ADGRV1: variants seen among roughly 807,000 people sequenced by gnomAD.
ADGRV1 encodes adhesion G protein-coupled receptor V1.
Under a neutral mutation model 596.2 loss-of-function variants are expected in ADGRV1, and 359 were observed. That is an observed-to-expected ratio of 0.60 (90% CI 0.55 to 0.66). ADGRV1 has a LOEUF of 0.66. ADGRV1 is among the 30% of genes least tolerant of loss of function. The probability of loss-of-function intolerance (pLI) is 0.00; values close to 1 mark genes in which losing one functional copy is unlikely to be tolerated. For missense variants in ADGRV1, 7,274 were observed against 7,575.6 expected, an observed-to-expected ratio of 0.96 and a Z score of 1.48; for synonymous variants, 2,681 against 2,679.2, an observed-to-expected ratio of 1.00 and a Z score of -0.02.
intron 85 of ADGRV1, among the ~76,000 whole-genome samples, chr5:91,062,982 A>G (rs1282344219): frequency 2.7e-5 from 3 of 112,296 alleles, no homozygotes; most frequent in African/African-American, 6.8e-5. Context: ...TTTTTGAGGC[A>G]GAGTTTCACT....
intron 21 of ADGRV1, among the ~76,000 whole-genome samples, chr5:90,659,856 C>G (rs1580631803): frequency 6.6e-6 from 1 of 151,940 alleles, no homozygotes; most frequent in African/African-American, 2.4e-5. Flanking sequence ...CATGGTGAAA[C>G]CCCGTCTCTA....
chr5:90,972,610 A>C lies in ADGRV1; in HGVS notation c.17973+7079A>C, dbSNP rs5956462. Among the ~76,000 whole-genome samples the C allele has an allele frequency of 3.1e-3, 475 of 152,278 alleles. 1 individual carries two copies. Among genetic ancestry groups the C allele is most frequent in the African/African-American group, 7.4e-3 (307 of 41,566 alleles). ...CCTGCTCCTGAATGACTACTGGGTA[A>C]ATAACGAAGTGAAGGCAGAAATAAA... is the stretch of plus-strand genomic sequence containing the variant. On this transcript the variant is annotated intron_variant, in intron 84 of 89. Coordinates refer to ENST00000405460, the MANE Select transcript of ADGRV1 (RefSeq NM_032119.4).
At position 90,644,809 on chromosome 5, in the gene ADGRV1, T is replaced by C. The variant is rs1428739550; in HGVS notation, c.2838T>C (p.Thr946=). The C allele has an allele frequency of 6.2e-7, 1 of 1,611,674 alleles. No homozygotes were observed. Residue 946 remains threonine, a synonymous_variant, in exon 15 of 90, where the codon ACT becomes ACC. Transcript: ENST00000405460. ...AAGATGTATTTCCTGTACAAGGGAC[T>C]GTTGTCTTTGGAGATCAGGAATTTT... ...FTQDVFPVQG[T]VVFGDQEFSK...
In ADGRV1 at chr5:90,643,858, TG is replaced by T. The variant is rs983340336; in HGVS notation, c.2612del (p.Gly871GlufsTer8). Reference protein sequence around the residue: ...LSSHGERESKLGSATIVNITI... With the variant: ...LSSHGERESKXGSATIVNITI... ...AGCCACGGAGAACGGGAAAGCAAGTTGGGAAGTGCCACCATTGTCAATATAA... is the reference window on the plus strand; with the variant it reads ...AGCCACGGAGAACGGGAAAGCAAGTTGGAAGTGCCACCATTGTCAATATAA... On this transcript the variant is annotated frameshift_variant, in exon 14 of 90. Coordinates refer to ENST00000405460, the MANE Select transcript of ADGRV1 (RefSeq NM_032119.4). LOFTEE classifies it high-confidence loss of function. 4 of 1,611,412 alleles carry T rather than the reference TG, an allele frequency of 2.5e-6. No individual in the cohort carries two copies. The Admixed American group carries it at 5.0e-5, about 20-fold the overall frequency.
intron 87 of ADGRV1, among the ~76,000 whole-genome samples, chr5:91,138,454 G>GCTAATAAAT (rs1794825486): frequency 2.6e-5 from 4 of 151,814 alleles, no homozygotes; most frequent in African/African-American, 9.7e-5. Flanking sequence ...TTAGTGTTTT[G>GCTAATAAAT]CTAATAAATC....
intron 1 of ADGRV1, among the ~76,000 whole-genome samples, chr5:90,586,846 T>C (rs1047924600): frequency 5.3e-5 from 8 of 152,242 alleles, no homozygotes; most frequent in African/African-American, 1.9e-4. Context: ...TTGATTATTT[T>C]ACTAGGAGTT....
At chr5:90,572,907 A>C (rs1273015620) in intron 1 of ADGRV1, among the ~76,000 whole-genome samples, 1 of 152,176 alleles carries the variant, frequency 6.6e-6, no homozygotes, top group Middle Eastern at 3.2e-3. Flanking sequence ...ACCTACCAGG[A>C]AGGGTGGATA....
chr5:90,685,131 G>A (rs1232315250), intron 28 of ADGRV1, among the ~76,000 whole-genome samples: 1 of 152,136 alleles, frequency 6.6e-6, no homozygotes, highest in African/African-American at 2.4e-5. Context: ...TATTTCTGTA[G>A]GTAACTGTTC....
At chr5:91,134,017 C>T (rs1794428774) in intron 87 of ADGRV1, among the ~76,000 whole-genome samples, 1 of 152,118 alleles carries the variant, frequency 6.6e-6, no homozygotes, top group Non-Finnish European at 1.5e-5. Flanking sequence ...CCAACTACTA[C>T]TATATCAAGC....
At position 90,902,580 on chromosome 5, in the gene ADGRV1, T is replaced by C. The variant is rs528755820; in HGVS notation, c.17856+38723T>C. Among the ~76,000 whole-genome samples, 453 of 152,272 alleles carry C rather than the reference T, an allele frequency of 3.0e-3. 1 individual carries two copies. The highest frequency in any genetic ancestry group is 0.01 in the African/African-American group (417 of 41,572). On this transcript the variant is annotated intron_variant, in intron 83 of 89. Transcript: ENST00000405460. ...ATATGCGCATCAATATAAGTGCCCA[T>C]CTTTGATTGTTAGCACCTAGAGGGC...
At position 90,863,866 on chromosome 5, in the gene ADGRV1, G is replaced by A; in HGVS notation, c.17856+9G>A. The A allele has an allele frequency of 6.4e-7, 1 of 1,558,876 alleles. No individual in the cohort carries two copies. ...CCAGCTTAGGTACACAGGTAGGAGA[G>A]CGCTGGCATTTTTGATTTATCGTGA... On this transcript the variant is annotated intron_variant, in intron 83 of 89. Coordinates refer to ENST00000405460, the MANE Select transcript of ADGRV1 (RefSeq NM_032119.4).
At position 90,690,942 on chromosome 5, in the gene ADGRV1, C is replaced by A. The variant is rs1428365702; in HGVS notation, c.6852C>A (p.Asp2284Glu). 3 of 1,613,840 alleles carry A rather than the reference C, an allele frequency of 1.9e-6. No individual in the cohort carries two copies. The highest frequency in any genetic ancestry group is 3.3e-5 in the Admixed American group (2 of 59,986). The change falls in exon 31 of 90, where the codon GAC becomes GAA. Residue 2284 changes from aspartate (D) to glutamate (E), a missense_variant. Physicochemically the swap from Asp to Glu is conservative, Grantham distance 45. Coordinates refer to ENST00000405460, the MANE Select transcript of ADGRV1 (RefSeq NM_032119.4). ...ATINGQLATG[D>E]LRVVSGNVTF... ...TTAATGGACAGCTTGCTACTGGCGACCTGCGAGTTGTCTCAGGTAATGTGA... is the reference window on the plus strand; with the variant it reads ...TTAATGGACAGCTTGCTACTGGCGAACTGCGAGTTGTCTCAGGTAATGTGA...
intron 21 of ADGRV1, among the ~76,000 whole-genome samples, chr5:90,667,669 TGGA>T (rs1304535723): frequency 1.3e-5 from 2 of 151,966 alleles, no homozygotes; most frequent in African/African-American, 4.8e-5. Context: ...TGCGTTCCTT[TGGA>T]GGAGGAGAGG....
chr5:90,859,518 C>T (rs868835332), intron 82 of ADGRV1, among the ~76,000 whole-genome samples: 27 of 151,278 alleles, frequency 1.8e-4, no homozygotes, highest in Admixed American at 6.6e-4. Context: ...TTGCAACTTC[C>T]GCCTTCTGGG....
chr5:90,814,807 G>A (rs922401639), intron 74 of ADGRV1, among the ~76,000 whole-genome samples: 2 of 152,012 alleles, frequency 1.3e-5, no homozygotes, highest in African/African-American at 2.4e-5. Flanking sequence ...CATGGTTTTC[G>A]AGGCCAATTG....
At chr5:91,127,576 G>A (rs1793875559) in intron 87 of ADGRV1, among the ~76,000 whole-genome samples, 1 of 151,810 alleles carries the variant, frequency 6.6e-6, no homozygotes. Flanking sequence ...AGAGATTTGG[G>A]TTATTACAAA....
intron 85 of ADGRV1, among the ~76,000 whole-genome samples, chr5:91,030,338 A>G (rs916966153): frequency 6.6e-6 from 1 of 152,082 alleles, no homozygotes; most frequent in African/African-American, 2.4e-5. Context: ...ATTCTTTCTC[A>G]TATGTTTTTG....
At chr5:90,901,338 A>G (rs1771819582) in intron 83 of ADGRV1, among the ~76,000 whole-genome samples, 1 of 152,184 alleles carries the variant, frequency 6.6e-6, no homozygotes, top group South Asian at 2.1e-4. Context: ...TGTCAGGCCA[A>G]CTTCAAGCCA....
intron 19 of ADGRV1, 126 bp from the exon 20 acceptor site, chr5:90,653,083 T>G: frequency 1.1e-6 from 1 of 889,806 alleles, no homozygotes; most frequent in South Asian, 1.9e-5. Context: ...GTGACACTAC[T>G]TTTCATTGAT....
Sources: gnomAD v4.1 joint callset for allele counts (sites outside exome capture counted in the v4.1 genomes callset) on GRCh38, gnomAD v4.1.1 for gene constraint, MANE v1.5 for transcripts, NCBI Gene and HGNC (gene_info 2026-07-23, HGNC 2026-07-21) for gene names.